LGSN: variants seen among roughly 807,000 people sequenced by gnomAD.
LGSN encodes the protein lengsin, lens protein with glutamine synthetase domain.
In LGSN, 21 loss-of-function variants were observed where a neutral mutation model predicts 19.5. That is an observed-to-expected ratio of 1.07 (90% CI 0.76 to 1.55). The LOEUF (loss-of-function observed/expected upper bound fraction) is 1.55. Ranked by LOEUF, LGSN falls within the 40% of genes most tolerant of loss-of-function variation. The probability of loss-of-function intolerance (pLI) is 0.00; values close to 1 mark genes in which losing one functional copy is unlikely to be tolerated. For missense variants in LGSN, 673 were observed against 608.5 expected (o/e 1.11, Z -1.12); for synonymous variants, 257 against 215.6 (o/e 1.19, Z -1.68).
intron 1 of LGSN, among the ~76,000 whole-genome samples, chr6:63,309,120 A>G (rs1159632354): frequency 6.6e-6 from 1 of 152,132 alleles, no homozygotes; most frequent in East Asian, 1.9e-4. Context: ...ATTCTTTTCA[A>G]GTGATTTACC....
At chr6:63,509,490 T>G in the LGSN span, among the ~76,000 whole-genome samples, 4 of 152,230 alleles carry the variant, frequency 2.6e-5, no homozygotes, top group Admixed American at 2.6e-4. Context: ...GCGCATGTTG[T>G]ATATTTGTAG....
the LGSN span, among the ~76,000 whole-genome samples, chr6:63,430,730 T>C: frequency 1.3e-4 from 20 of 152,152 alleles, no homozygotes; most frequent in African/African-American, 4.8e-4. Flanking sequence ...TCGTGTTCCC[T>C]GCCAAGAGTC....
the LGSN span, among the ~76,000 whole-genome samples, chr6:63,538,359 A>G: frequency 6.6e-6 from 1 of 152,236 alleles, no homozygotes; most frequent in Non-Finnish European, 1.5e-5. Context: ...CATTCTTCAT[A>G]AAAAGAATAA....
the LGSN span, among the ~76,000 whole-genome samples, chr6:63,496,872 T>C: frequency 2.6e-5 from 4 of 152,114 alleles, no homozygotes; most frequent in African/African-American, 7.3e-5. Flanking sequence ...TGTCAAAAGC[T>C]CATGCAGTTT....
At chr6:63,429,446 G>A in the LGSN span, among the ~76,000 whole-genome samples, 1 of 152,050 alleles carries the variant, frequency 6.6e-6, no homozygotes, top group East Asian at 1.9e-4. Flanking sequence ...TAAAAATCAA[G>A]AAATCTGGGC....
chr6:63,548,844 A>G, the LGSN span: 2 of 759,124 alleles, frequency 2.6e-6, no homozygotes, highest in Non-Finnish European at 4.8e-6. Flanking sequence ...GTCAGTCCTG[A>G]TAGCTCCCAC....
the LGSN span, among the ~76,000 whole-genome samples, chr6:63,494,641 T>C: frequency 6.6e-6 from 1 of 152,224 alleles, no homozygotes; most frequent in Non-Finnish European, 1.5e-5. Flanking sequence ...CTTTTTATTC[T>C]TTTAGACACA....
chr6:63,555,772 C>G, the LGSN span, among the ~76,000 whole-genome samples: 1 of 150,892 alleles, frequency 6.6e-6, no homozygotes, highest in African/African-American at 2.4e-5. Flanking sequence ...CGGCTCACTG[C>G]AACTTCTGCC....
chr6:63,316,497 A>C (rs1417304349), intron 1 of LGSN, among the ~76,000 whole-genome samples: 1 of 152,202 alleles, frequency 6.6e-6, no homozygotes, highest in Middle Eastern at 3.2e-3. Context: ...GTCTAACACC[A>C]TGTGATTTTG....
At chr6:63,363,302 G>A in the LGSN span, among the ~76,000 whole-genome samples, 31 of 152,336 alleles carry the variant, frequency 2.0e-4, no homozygotes, top group African/African-American at 7.5e-4. Flanking sequence ...CTCCTCCAAA[G>A]GAACACAACT....
At chr6:63,424,523 A>G in the LGSN span, among the ~76,000 whole-genome samples, 1 of 149,658 alleles carries the variant, frequency 6.7e-6, no homozygotes, top group Non-Finnish European at 1.5e-5. Context: ...ACACACACAC[A>G]CACACACACA....
the LGSN span, among the ~76,000 whole-genome samples, chr6:63,461,515 C>A: frequency 6.6e-6 from 1 of 152,234 alleles, no homozygotes; most frequent in Non-Finnish European, 1.5e-5. Flanking sequence ...TGAACTTTTT[C>A]TTCCCACATG....
chr6:63,276,057 G>A lies in LGSN; in HGVS notation c.*3964C>T, dbSNP rs1366982761. 1 of 152,122 alleles carries A rather than the reference G, an allele frequency of 6.6e-6. No individual in the cohort carries two copies. Among genetic ancestry groups the A allele is most frequent in the Non-Finnish European group, 1.5e-5 (1 of 68,024 alleles). 9.4% of individuals were successfully genotyped at this position (152,122 alleles called of 1,614,324 possible). The stretch of plus-strand genomic sequence containing the variant: ...GGCAGCATGAGAAGAGCTTTAACAG[G>A]GAAGGCACTGTGCACATAGGTAATG... On this transcript the variant is annotated 3_prime_UTR_variant, in exon 4 of 4. Coordinates refer to ENST00000370657, the MANE Select transcript of LGSN (RefSeq NM_016571.3).
the LGSN span, among the ~76,000 whole-genome samples, chr6:63,373,865 C>T: frequency 6.6e-6 from 1 of 151,580 alleles, no homozygotes; most frequent in Non-Finnish European, 1.5e-5. Context: ...AACCCAGGAG[C>T]TGGAGGTTGC....
the LGSN span, among the ~76,000 whole-genome samples, chr6:63,401,075 T>A: frequency 2.0e-5 from 3 of 152,152 alleles, no homozygotes; most frequent in African/African-American, 7.2e-5. Context: ...TACCAACCTG[T>A]CATAAGCAAA....
the LGSN span, among the ~76,000 whole-genome samples, chr6:63,547,498 A>AT: frequency 4.2e-3 from 382 of 90,798 alleles, 1 homozygote; most frequent in Middle Eastern, 0.011. Context: ...CCAGGGGGGA[A>AT]TTTTTTTTTT....
the LGSN span, among the ~76,000 whole-genome samples, chr6:63,436,061 G>A: frequency 1.3e-5 from 2 of 151,906 alleles, no homozygotes; most frequent in African/African-American, 4.8e-5. Context: ...AACCCACAAA[G>A]TTCACACCTT....
At chr6:63,510,548 G>C in the LGSN span, among the ~76,000 whole-genome samples, 2 of 146,588 alleles carry the variant, frequency 1.4e-5, no homozygotes, top group South Asian at 4.3e-4. Flanking sequence ...TATTCCCCCA[G>C]AGTTAATCTC....
chr6:63,291,506 T>G (rs1767768309), intron 2 of LGSN, among the ~76,000 whole-genome samples: 1 of 152,190 alleles, frequency 6.6e-6, no homozygotes, highest in African/African-American at 2.4e-5. Flanking sequence ...CGTCCCCAGC[T>G]GAACTCCTCC....
Sources: allele counts gnomAD v4.1 joint callset (sites outside exome capture counted in the v4.1 genomes callset), GRCh38; gene constraint gnomAD v4.1.1; transcripts MANE v1.5; gene names NCBI Gene and HGNC (gene_info 2026-07-23, HGNC 2026-07-21).